ARID1B: variants seen among roughly 807,000 people sequenced by gnomAD.
The protein encoded by ARID1B is AT-rich interaction domain 1B.
A neutral mutation model predicts 212.3 loss-of-function variants in ARID1B; 30 were observed. That is an observed-to-expected ratio of 0.14 (90% CI 0.11 to 0.19). The LOEUF is 0.19. Ranked by LOEUF, ARID1B falls within the 10% of genes least tolerant of loss-of-function variation. The pLI, the probability that ARID1B is intolerant of heterozygous loss-of-function variation, is 1.00. For missense variants in ARID1B, 2,891 were observed against 3,204.0 expected (o/e 0.90, Z 2.36); for synonymous variants, 1,402 against 1,301.7 (o/e 1.08, Z -1.66).
chr6:156,874,279 G>T (rs1786373044), intron 2 of ARID1B, among the ~76,000 whole-genome samples: 1 of 152,152 alleles, frequency 6.6e-6, no homozygotes, highest in Non-Finnish European at 1.5e-5. Context: ...TACCCAGGCT[G>T]CTGTCAAACT....
intron 4 of ARID1B, among the ~76,000 whole-genome samples, chr6:156,967,459 C>T (rs1035851405): frequency 6.6e-6 from 1 of 152,052 alleles, no homozygotes; most frequent in Non-Finnish European, 1.5e-5. Flanking sequence ...GGTTTTTTTC[C>T]TCCTGATGCT....
chr6:157,134,250 G>A (rs763988621), intron 7 of ARID1B, among the ~76,000 whole-genome samples: 12 of 152,140 alleles, frequency 7.9e-5, no homozygotes, highest in Non-Finnish European at 1.5e-4. Flanking sequence ...TCAGAAAATC[G>A]CATCTTTCTG....
At chr6:157,065,648 G>A (rs1349281080) in intron 4 of ARID1B, among the ~76,000 whole-genome samples, 2 of 152,294 alleles carry the variant, frequency 1.3e-5, no homozygotes, top group Non-Finnish European at 2.9e-5. Flanking sequence ...AGAAACTTCC[G>A]TTTCAGTTGG....
chr6:156,857,457 A>G (rs1198624108), intron 2 of ARID1B, among the ~76,000 whole-genome samples: 1 of 152,034 alleles, frequency 6.6e-6, no homozygotes, highest in Non-Finnish European at 1.5e-5. Context: ...GCTAACTTCT[A>G]GTATGGGGTT....
At position 156,899,708 on chromosome 6, in the gene ARID1B, C is replaced by T. The variant is rs538552807; in HGVS notation, c.1987-1668C>T. On this transcript the variant is annotated intron_variant, in intron 2 of 19. Coordinates refer to ENST00000636930, the MANE Select transcript of ARID1B (RefSeq NM_001374828.1). ...TCTAGTGTTAGTAGGTTCTTGCAAT[C>T]TGTCCTGTTGTTGTGTTGCTTAGAA... 1.7e-3 allele frequency among the ~76,000 whole-genome samples: 258 copies of T among 152,266 alleles called. 1 individual carries two copies. The highest frequency in any genetic ancestry group is 2.8e-3 in the Non-Finnish European group (193 of 68,030).
chr6:157,198,175 G>A (rs1480020914), intron 16 of ARID1B, among the ~76,000 whole-genome samples: 1 of 152,166 alleles, frequency 6.6e-6, no homozygotes, highest in East Asian at 1.9e-4. Context: ...ATTTTAAGAT[G>A]TAATAGGTGT....
rs142209318 is a variant in ARID1B, at chr6:156,881,102, C to G, written c.1987-20274C>G. On this transcript the variant is annotated intron_variant, in intron 2 of 19. Transcript: ENST00000636930. ...GGGCCTGCAGGAGTTTCGAGAGAGC[C>G]CTGCCAGGTGAGTTGGCTCAAGTTA... 2.1e-3 allele frequency among the ~76,000 whole-genome samples: 318 copies of G among 152,240 alleles called. 1 individual carries two copies. The highest frequency in any genetic ancestry group is 6.7e-3 in the African/African-American group (280 of 41,532).
In ARID1B at chr6:156,778,945, TGGCGGCGGC is replaced by T. The variant is rs765410747; in HGVS notation, c.1269_1277del (p.Ala431_Ala433del). ...GCAGGAGGAGCAGGAGCGGGAGCTG[TGGCGGCGGC>T]GGCCGCGGCGGCGGCGGCAGCAGCA... On this transcript the variant is annotated inframe_deletion, in exon 1 of 20. Transcript: ENST00000636930. 3.3e-5 allele frequency: 42 copies of T among 1,277,128 alleles called. No homozygotes were observed. Among genetic ancestry groups the T allele is most frequent in the Middle Eastern group, 5.7e-4 (2 of 3,488 alleles). 79.1% of individuals were successfully genotyped at this position (1,277,128 alleles called of 1,614,324 possible). A position where few individuals can be genotyped will look rare whatever the true frequency, so the allele number is the denominator to read the frequency against.
chr6:157,103,152 T>C (rs1786194930), intron 5 of ARID1B, among the ~76,000 whole-genome samples: 1 of 152,194 alleles, frequency 6.6e-6, no homozygotes, highest in Non-Finnish European at 1.5e-5. Context: ...CTAATCCTCA[T>C]CTAGAATAAT....
At chr6:156,907,879 G>A (rs1156408907) in intron 3 of ARID1B, among the ~76,000 whole-genome samples, 1 of 147,742 alleles carries the variant, frequency 6.8e-6, no homozygotes, top group Admixed American at 6.8e-5. Flanking sequence ...CTGCACTGCA[G>A]CCTGGGCGAC....
intron 1 of ARID1B, among the ~76,000 whole-genome samples, chr6:156,789,909 T>A (rs1779901107): frequency 6.6e-6 from 1 of 152,220 alleles, no homozygotes; most frequent in African/African-American, 2.4e-5. Flanking sequence ...AAGGACCTTT[T>A]AATAGAGTAA....
At chr6:156,909,317 G>T (rs1485654389) in intron 3 of ARID1B, among the ~76,000 whole-genome samples, 1 of 151,612 alleles carries the variant, frequency 6.6e-6, no homozygotes, top group Non-Finnish European at 1.5e-5. Context: ...GTAGAAACGG[G>T]GTTTCACCAT....
chr6:156,800,768 A>G (rs775206224), intron 1 of ARID1B, among the ~76,000 whole-genome samples: 1 of 151,986 alleles, frequency 6.6e-6, no homozygotes, highest in African/African-American at 2.4e-5. Flanking sequence ...TTAGCCAGGC[A>G]TGGTGGTGTG....
chr6:156,916,719 T>C (rs1489319847), intron 3 of ARID1B, among the ~76,000 whole-genome samples: 2 of 151,244 alleles, frequency 1.3e-5, no homozygotes, highest in Non-Finnish European at 2.9e-5. Flanking sequence ...GACCTTTCTC[T>C]CTCCTCCTAG....
intron 3 of ARID1B, among the ~76,000 whole-genome samples, chr6:156,911,085 T>A (rs1789832880): frequency 6.6e-6 from 1 of 152,236 alleles, no homozygotes; most frequent in African/African-American, 2.4e-5. Flanking sequence ...ACTTGACAGC[T>A]ACAAAATGAG....
At chr6:156,870,474 T>G (rs1161083119) in intron 2 of ARID1B, 3 of 152,216 alleles carry the variant, frequency 2.0e-5, no homozygotes, top group South Asian at 4.1e-4. Context: ...ACTTCAGGGC[T>G]TAGGGTAACA....
intron 2 of ARID1B, among the ~76,000 whole-genome samples, chr6:156,867,759 AC>A (rs1291633361): frequency 2.0e-5 from 3 of 152,216 alleles, no homozygotes; most frequent in Non-Finnish European, 4.4e-5. Context: ...AAGTGGTCCG[AC>A]AGATCTCAAG....
intron 4 of ARID1B, chr6:157,036,799 AT>A: frequency 2.0e-6 from 1 of 490,508 alleles, no homozygotes; most frequent in Admixed American, 2.3e-5. Flanking sequence ...GAGGTTTTTG[AT>A]AGTGCCTAAA....
intron 4 of ARID1B, among the ~76,000 whole-genome samples, chr6:157,042,687 C>T (rs1225352222): frequency 2.0e-4 from 29 of 144,924 alleles, no homozygotes; most frequent in Middle Eastern, 3.6e-3. Flanking sequence ...GAGACAGAGT[C>T]TCACTGTGTC....
Sources: gnomAD v4.1 joint callset for allele counts (sites outside exome capture counted in the v4.1 genomes callset) on GRCh38, gnomAD v4.1.1 for gene constraint, MANE v1.5 for transcripts, NCBI Gene and HGNC (gene_info 2026-07-23, HGNC 2026-07-21) for gene names.